Variants in CACNA1E observed in about 807,000 individuals in gnomAD.
CACNA1E encodes the protein calcium voltage-gated channel subunit alpha1 E.
Under a neutral mutation model 259.2 loss-of-function variants are expected in CACNA1E, and 40 were observed. That is an observed-to-expected ratio of 0.15 (90% CI 0.12 to 0.20). The LOEUF (loss-of-function observed/expected upper bound fraction) is 0.20. Among genes scored for constraint, CACNA1E ranks in the 10% least tolerant of loss-of-function variants. The probability of loss-of-function intolerance (pLI) is 1.00; values close to 1 mark genes in which losing one functional copy is unlikely to be tolerated. For synonymous variants in CACNA1E, 1,104 were observed against 1,138.5 expected (o/e 0.97, Z 0.61); for missense variants, 1,874 against 3,040.1 (o/e 0.62, Z 9.02).
At chr1:181,651,551 T>C in intron 7 of CACNA1E, 110 bp downstream of exon 7, 2 of 745,796 alleles carry the variant, frequency 2.7e-6, no homozygotes, top group Non-Finnish European at 4.6e-6. Context: ...TAGAAGACAC[T>C]TACCTAGCAG....
intron 6 of CACNA1E, among the ~76,000 whole-genome samples, chr1:181,606,804 A>G (rs924886462): frequency 2.0e-5 from 3 of 152,304 alleles, no homozygotes; most frequent in South Asian, 4.1e-4. Flanking sequence ...ACCTTTGGAC[A>G]TGCTGTCCTG....
Position 181,732,487 on chromosome 1 carries a change from G to A in CACNA1E, c.2401G>A (p.Glu801Lys). ...CAGCCAGGAGGCCCTCAACAGAGAGGAGGCGCCGACCATGAACCCGCTCAA... is the reference window on the plus strand; with the variant it reads ...CAGCCAGGAGGCCCTCAACAGAGAGAAGGCGCCGACCATGAACCCGCTCAA... Reference protein sequence around the residue: ...MSSQEALNREEAPTMNPLNPL... With the variant: ...MSSQEALNREKAPTMNPLNPL... The change falls in exon 20 of 48, where the codon GAG becomes AAG. Residue 801 changes from glutamate to lysine, a missense_variant. By Grantham distance (56) the Glu-to-Lys change is moderately conservative. Around this residue, in one of 14 missense-constraint regions of CACNA1E, gnomAD observed 476 missense variants for 514.0 expected, o/e 0.93. Transcript: ENST00000367573. This position sits in a 1 kb window ranked among gnomAD's most constrained non-coding sequence, Gnocchi z 5.5. The A allele has an allele frequency of 6.4e-7, 1 of 1,551,616 alleles. No individual in the cohort carries two copies. Among genetic ancestry groups the A allele is most frequent in the Non-Finnish European group, 8.7e-7 (1 of 1,146,938 alleles).
chr1:181,656,009 C>T (rs994829597), intron 7 of CACNA1E, among the ~76,000 whole-genome samples: 19 of 152,090 alleles, frequency 1.2e-4, no homozygotes, highest in African/African-American at 2.7e-4. Context: ...ATGCATTACT[C>T]ACATGGTTGT....
upstream of CACNA1E, among the ~76,000 whole-genome samples, chr1:181,482,585 C>G (rs951541430): frequency 2.0e-5 from 3 of 152,270 alleles, no homozygotes; most frequent in African/African-American, 4.8e-5. Context: ...GCTCCTCCCC[C>G]GCTTCTCCCA....
intron 7 of CACNA1E, among the ~76,000 whole-genome samples, chr1:181,700,380 A>G (rs1479046121): frequency 5.3e-5 from 8 of 152,080 alleles, no homozygotes; most frequent in Admixed American, 3.3e-4. Flanking sequence ...GTTGTTCCCA[A>G]ATCTGAACTG....
intron 2 of CACNA1E, among the ~76,000 whole-genome samples, chr1:181,451,888 G>A (rs1661178884): frequency 1.3e-5 from 2 of 152,298 alleles, no homozygotes; most frequent in East Asian, 3.9e-4. Context: ...AGGGGCATGA[G>A]GCAACTGGTG....
At chr1:181,486,672 G>GATA (rs1195273703) in intron 1 of CACNA1E, among the ~76,000 whole-genome samples, 3 of 152,056 alleles carry the variant, frequency 2.0e-5, no homozygotes, top group Non-Finnish European at 2.9e-5. Flanking sequence ...GTTAAATGAG[G>GATA]ATAATAATAA....
At chr1:181,512,891 A>G (rs1353115950) in intron 3 of CACNA1E, among the ~76,000 whole-genome samples, 1 of 152,244 alleles carries the variant, frequency 6.6e-6, no homozygotes, top group Non-Finnish European at 1.5e-5. Context: ...ATAGTATTAC[A>G]GAACTATATT....
intron 6 of CACNA1E, among the ~76,000 whole-genome samples, chr1:181,583,820 T>A (rs919977059): frequency 6.6e-6 from 1 of 152,068 alleles, no homozygotes; most frequent in African/African-American, 2.4e-5. Context: ...CTTCCCTCCC[T>A]CCTCTGGTGG....
At chr1:181,406,475 T>A (rs556225904) in intron 1 of CACNA1E, among the ~76,000 whole-genome samples, 77 of 152,166 alleles carry the variant, frequency 5.1e-4, no homozygotes, top group African/African-American at 1.8e-3. Context: ...CGGCTTGCTA[T>A]AACTTCTACC....
At chr1:181,686,610 G>A (rs1232345129) in intron 7 of CACNA1E, among the ~76,000 whole-genome samples, 1 of 152,102 alleles carries the variant, frequency 6.6e-6, no homozygotes, top group African/African-American at 2.4e-5. Flanking sequence ...TTAAGGGATG[G>A]CTTCACGTCT....
intron 40 of CACNA1E, 23 bp downstream of exon 40, chr1:181,783,807 G>A (rs748648041): frequency 6.8e-7 from 1 of 1,473,014 alleles, no homozygotes; most frequent in Non-Finnish European, 9.5e-7. Context: ...TAGGAAGGGA[G>A]GTGGGAAGGA....
intron 3 of CACNA1E, among the ~76,000 whole-genome samples, chr1:181,530,386 A>G (rs1392948218): frequency 6.6e-6 from 1 of 152,230 alleles, no homozygotes; most frequent in Non-Finnish European, 1.5e-5. Context: ...ATCCATATAC[A>G]TACAGCACTA....
chr1:181,390,564 C>T (rs1390337426), intron 1 of CACNA1E, among the ~76,000 whole-genome samples: 3 of 152,000 alleles, frequency 2.0e-5, no homozygotes, highest in African/African-American at 7.3e-5. Context: ...ATCCATGAGT[C>T]AGGGAAGCAC....
chr1:181,733,572 C>T lies in CACNA1E; in HGVS notation c.3084C>T (p.Gly1028=). The T allele has an allele frequency of 1.2e-6, 2 of 1,612,940 alleles. No homozygotes were observed. Among genetic ancestry groups the T allele is most frequent in the Non-Finnish European group, 1.7e-6 (2 of 1,179,474 alleles). Residue 1028 remains glycine, a synonymous_variant, in exon 21 of 48, where the codon GGC becomes GGT. Coordinates refer to ENST00000367573, the MANE Select transcript of CACNA1E (RefSeq NM_001205293.3). ...TGCTGACGGAGCAGGAGCCAGAAGGCAGCAGTGAGCAGGCCCTGCTGGGGA... is the reference window on the plus strand; with the variant it reads ...TGCTGACGGAGCAGGAGCCAGAAGGTAGCAGTGAGCAGGCCCTGCTGGGGA... ...HVVLTEQEPE[G]SSEQALLGNV... is the part of the protein sequence containing the mutation.
In CACNA1E at chr1:181,496,081, C is replaced by T. The variant is rs1664727306; in HGVS notation, c.266+12071C>T. Among the ~76,000 whole-genome samples the T allele has an allele frequency of 2.0e-5, 3 of 152,146 alleles. No homozygotes were observed. The South Asian group carries it at 6.2e-4, about 32-fold the overall frequency. ...AATCACTGAAGCTAAATAGTCTTTCCATAAGACTTTTTTTCTTCCTTCTCA... is the reference window on the plus strand; with the variant it reads ...AATCACTGAAGCTAAATAGTCTTTCTATAAGACTTTTTTTCTTCCTTCTCA... On this transcript the variant is annotated intron_variant, in intron 1 of 47. Transcript: ENST00000367573.
At chr1:181,494,512 T>C (rs1664583802) in intron 1 of CACNA1E, among the ~76,000 whole-genome samples, 1 of 152,208 alleles carries the variant, frequency 6.6e-6, no homozygotes, top group Non-Finnish European at 1.5e-5. Context: ...TTGCTTTTGC[T>C]CCAATGTTTA....
At chr1:181,349,642 A>T (rs1652880428) in intron 1 of CACNA1E, among the ~76,000 whole-genome samples, 1 of 152,024 alleles carries the variant, frequency 6.6e-6, no homozygotes, top group Non-Finnish European at 1.5e-5. Context: ...TGAGTTACTG[A>T]GACAGGCCTG....
chr1:181,754,808 T>C (rs1203410841), intron 27 of CACNA1E, among the ~76,000 whole-genome samples: 1 of 152,206 alleles, frequency 6.6e-6, no homozygotes, highest in African/African-American at 2.4e-5. Context: ...ACATAATCAG[T>C]ATATAAATCG....
Sources: allele counts gnomAD v4.1 joint callset (sites outside exome capture counted in the v4.1 genomes callset), GRCh38; gene constraint gnomAD v4.1.1; regional missense constraint gnomAD v4.1.1; non-coding constraint Gnocchi (gnomAD v3.1); transcripts MANE v1.5; gene names NCBI Gene and HGNC (gene_info 2026-07-23, HGNC 2026-07-21).